The following KDM2B variants were observed in gnomAD, a reference collection of about 807,000 sequenced individuals.
The protein encoded by KDM2B is lysine-specific demethylase 2B.
A neutral mutation model predicts 150.0 loss-of-function variants in KDM2B; 26 were observed. The ratio of observed to expected loss-of-function variants is 0.17; its 90% CI spans 0.13 to 0.24. The LOEUF (loss-of-function observed/expected upper bound fraction) is 0.24, where lower values mean the gene tolerates loss of function less well. KDM2B is among the 10% of genes least tolerant of loss of function. The pLI is 1.00. For missense variants in KDM2B, 1,265 were observed against 1,816.9 expected, an observed-to-expected ratio of 0.70 and a Z score of 5.52; for synonymous variants, 734 against 729.5, an observed-to-expected ratio of 1.01 and a Z score of -0.10.
At position 121,549,289 on chromosome 12, in the gene KDM2B, A is replaced by G. The variant is rs1484413772; in HGVS notation, c.576+171T>C. ...AGGCCAGCCTGGGCAACATAGCAAGATCCCTGTCTCTACAAACCACGTTAC... is the reference window on the plus strand; with the variant it reads ...AGGCCAGCCTGGGCAACATAGCAAGGTCCCTGTCTCTACAAACCACGTTAC... On this transcript the variant is annotated intron_variant, in intron 5 of 22. Transcript: ENST00000377071. The surrounding 1 kb of genome is among the most constrained non-coding windows in gnomAD (Gnocchi z 4.4). Among the ~76,000 whole-genome samples, 2 of 152,076 alleles carry G rather than the reference A, an allele frequency of 1.3e-5. No homozygotes were observed. The highest frequency in any genetic ancestry group is 2.9e-5 in the Non-Finnish European group (2 of 68,020).
rs938677314 is a variant in KDM2B at position 121,537,363 on chromosome 12, G to C, written c.684-2773C>G. 1.4e-4 allele frequency: 21 copies of C among 152,822 alleles called. No individual in the cohort carries two copies. The highest frequency in any genetic ancestry group is 5.0e-4 in the African/African-American group (21 of 41,602). 9.5% of individuals were successfully genotyped at this position (152,822 alleles called of 1,614,324 possible). ...CGCAGTCACATGGGCACCCCGGCTCGGTGCCACGGCCGCTAAGCTCTCCCC... is the reference window on the plus strand; with the variant it reads ...CGCAGTCACATGGGCACCCCGGCTCCGTGCCACGGCCGCTAAGCTCTCCCC... On this transcript the variant is annotated intron_variant, in intron 6 of 22. Transcript: ENST00000377071. This position sits in a 1 kb window ranked among gnomAD's most constrained non-coding sequence, Gnocchi z 8.7.
intron 13 of KDM2B, 42 bp from the exon 14 acceptor site, chr12:121,445,460 G>A (rs1470114036): frequency 5.8e-6 from 9 of 1,541,900 alleles, no homozygotes; most frequent in South Asian, 1.2e-5. Context: ...CAGGGGTGGG[G>A]AGCACGGACC....
rs1891315711 is a variant in KDM2B at position 121,574,069 on chromosome 12, C to T, written c.397+478G>A. 3.3e-5 allele frequency among the ~76,000 whole-genome samples: 5 copies of T among 152,154 alleles called. No individual in the cohort carries two copies. The South Asian group carries it at 1.0e-3, about 32-fold the overall frequency. On this transcript the variant is annotated intron_variant, in intron 4 of 22. Coordinates refer to ENST00000377071, the MANE Select transcript of KDM2B (RefSeq NM_032590.5). ...TACTACTGGCCGAGCGTCCAGAGTA[C>T]TAAGTCATCAGCCACCTGCAGGTGC...
intron 12 of KDM2B, chr12:121,470,032 G>A (rs1880590922): frequency 6.6e-6 from 1 of 151,960 alleles, no homozygotes; most frequent in Admixed American, 6.6e-5. Flanking sequence ...AGCAGGCAGA[G>A]GTTGCAGTGG....
intron 12 of KDM2B, among the ~76,000 whole-genome samples, chr12:121,456,068 A>G (rs1555292645): frequency 6.6e-6 from 1 of 152,218 alleles, no homozygotes; most frequent in East Asian, 1.9e-4. Flanking sequence ...GATATTACCT[A>G]ACTTTCCCAA....
chr12:121,526,348 G>A (rs1227053488), intron 8 of KDM2B, among the ~76,000 whole-genome samples: 1 of 151,926 alleles, frequency 6.6e-6, no homozygotes, highest in Non-Finnish European at 1.5e-5. Flanking sequence ...GCAAGACTCT[G>A]CCTCAGGGGA....
intron 22 of KDM2B, among the ~76,000 whole-genome samples, chr12:121,437,269 G>A (rs1429752193): frequency 6.6e-6 from 1 of 151,940 alleles, no homozygotes; most frequent in African/African-American, 2.4e-5. Context: ...TAGAAACTAA[G>A]CAAAATGAGG....
At chr12:121,580,120 G>A (rs759486969) in intron 1 of KDM2B, 192 of 1,575,160 alleles carry the variant, frequency 1.2e-4, no homozygotes, top group Non-Finnish European at 1.6e-4. Flanking sequence ...GAGGGGGGAA[G>A]GAGGGAAGAC....
the KDM2B span, chr12:121,420,613 CTGTCTGACT>C: frequency 1.2e-6 from 2 of 1,614,172 alleles, no homozygotes; most frequent in Non-Finnish European, 1.7e-6. Flanking sequence ...GAGAGCTTCA[CTGTCTGACT>C]TGTCAAGCCT....
In KDM2B at chr12:121,575,535, G is replaced by A. The variant is rs1891443304; in HGVS notation, c.350+246C>T. On this transcript the variant is annotated intron_variant, in intron 3 of 22. Coordinates refer to ENST00000377071, the MANE Select transcript of KDM2B (RefSeq NM_032590.5). This position sits in a 1 kb window ranked among gnomAD's most constrained non-coding sequence, Gnocchi z 4.4. ...CTGAGTGTAACTGGGGTGGGTCAGG[G>A]AAAAAAGTCAACACTGCTTAATTAC... Among the ~76,000 whole-genome samples the A allele has an allele frequency of 6.6e-6, 1 of 152,144 alleles. No homozygotes were observed. The highest frequency in any genetic ancestry group is 6.5e-5 in the Admixed American group (1 of 15,280).
intron 11 of KDM2B, among the ~76,000 whole-genome samples, chr12:121,496,442 A>G (rs1389692095): frequency 6.7e-6 from 1 of 149,026 alleles, no homozygotes; most frequent in African/African-American, 2.5e-5. Context: ...TTCCTAATTC[A>G]CTTCACTAGA....
chr12:121,474,901 A>G (rs1881180733), intron 12 of KDM2B, among the ~76,000 whole-genome samples: 1 of 152,174 alleles, frequency 6.6e-6, no homozygotes, highest in Non-Finnish European at 1.5e-5. Flanking sequence ...GCATTGAGCC[A>G]TGATCATGCC....
chr12:121,494,587 T>A lies in KDM2B; in HGVS notation c.1726A>T (p.Thr576Ser), dbSNP rs1593942745. 3 of 1,612,442 alleles carry A rather than the reference T, an allele frequency of 1.9e-6. No individual in the cohort carries two copies. The African/African-American group carries it at 4.0e-5, about 22-fold the overall frequency. ...GGCAGGCTGCGTCTTACCTTTGGAG[T>A]CTTCTTTGGCCAAGTCACCACAGGG... ...GVPVVTWPKK[T>S]PKNRAVGRPK... Residue 576 changes from threonine to serine, a missense_variant, in exon 12 of 23, where the codon ACT (threonine) becomes TCT (serine). By Grantham distance (58) the Thr-to-Ser change is moderately conservative. This residue lies in a region of KDM2B where 69 missense variants were observed against 85.7 expected (regional missense o/e 0.81). Coordinates refer to ENST00000377071, the MANE Select transcript of KDM2B (RefSeq NM_032590.5).
intron 13 of KDM2B, among the ~76,000 whole-genome samples, chr12:121,446,226 T>C (rs1249337512): frequency 1.2e-4 from 19 of 152,126 alleles, no homozygotes; most frequent in Middle Eastern, 6.8e-3. Flanking sequence ...AAACCCCGTC[T>C]CTACTAAAAA....
At chr12:121,548,809 C>A in intron 6 of KDM2B, 68 bp downstream of exon 6, 1 of 1,225,316 alleles carries the variant, frequency 8.2e-7, no homozygotes, top group Non-Finnish European at 1.2e-6. Context: ...GCCTCCTTCC[C>A]ACCTCCCCAC....
At chr12:121,438,729 G>A (rs1235727659) in intron 22 of KDM2B, among the ~76,000 whole-genome samples, 1 of 152,088 alleles carries the variant, frequency 6.6e-6, no homozygotes, top group Non-Finnish European at 1.5e-5. Context: ...CATAAATGTG[G>A]GATGCAGAGG....
Position 121,439,936 on chromosome 12 carries a change from G to A in KDM2B, c.3750C>T (p.His1250=), listed in dbSNP as rs35674891. 4,699 of 1,614,194 alleles carry A rather than the reference G, an allele frequency of 2.9e-3. 113 individuals carry two copies. In the African/African-American group the frequency reaches 0.056, roughly 19 times the overall value. Residue 1250 remains histidine (H), a synonymous_variant, in exon 22 of 23, where the codon CAC becomes CAT. Coordinates refer to ENST00000377071, the MANE Select transcript of KDM2B (RefSeq NM_032590.5). Reference sequence around the variant, plus strand: ...GCAGGTTGATAGACTGGTCGGTGACGTGGTTACAGTAACTGAGGTGGAGCT... The same window carrying A: ...GCAGGTTGATAGACTGGTCGGTGACATGGTTACAGTAACTGAGGTGGAGCT... ...LSKLHLSYCN[H]VTDQSINLLT... is the part of the protein sequence containing the mutation.
intron 12 of KDM2B, among the ~76,000 whole-genome samples, chr12:121,462,516 C>A (rs1026779866): frequency 4.0e-5 from 6 of 149,364 alleles, no homozygotes; most frequent in African/African-American, 1.5e-4. Flanking sequence ...TTTTTTGAGA[C>A]GGAGTCTCGT....
At position 121,578,796 on chromosome 12, in the gene KDM2B, C is replaced by T; in HGVS notation, c.271+6G>A. The T allele has an allele frequency of 6.5e-7, 1 of 1,532,296 alleles. No homozygotes were observed. The highest frequency in any genetic ancestry group is 8.8e-7 in the Non-Finnish European group (1 of 1,131,652). 94.9% of individuals were successfully genotyped at this position (1,532,296 alleles called of 1,614,324 possible). On this transcript the variant is annotated splice_donor_region_variant and intron_variant, in intron 2 of 22. Transcript: ENST00000377071. ...CAGAGGGCGGCCCGGGGTGGGGGCG[C>T]CTCACCTTTGCCCTCCATGGCGTGC...
Sources: allele counts gnomAD v4.1 joint callset (sites outside exome capture counted in the v4.1 genomes callset), GRCh38; gene constraint gnomAD v4.1.1; regional missense constraint gnomAD v4.1.1; non-coding constraint Gnocchi (gnomAD v3.1); transcripts MANE v1.5; gene names NCBI Gene and HGNC (gene_info 2026-07-23, HGNC 2026-07-21).